Variants in PTPRN2 observed in about 807,000 individuals in gnomAD.
PTPRN2 encodes receptor-type tyrosine-protein phosphatase N2.
Under a neutral mutation model 118.8 loss-of-function variants are expected in PTPRN2, and 74 were observed. That is an observed-to-expected ratio of 0.62 (90% CI 0.52 to 0.76). PTPRN2 has a LOEUF of 0.76. Among genes scored for constraint, PTPRN2 ranks in the 30% least tolerant of loss-of-function variants. PTPRN2 has a pLI of 0.00. For synonymous variants in PTPRN2, 641 were observed against 608.0 expected (o/e 1.05, Z -0.80); for missense variants, 1,481 against 1,394.4 (o/e 1.06, Z -0.99).
intron 6 of PTPRN2, among the ~76,000 whole-genome samples, chr7:158,145,658 C>T (rs922261211): frequency 3.9e-5 from 6 of 152,236 alleles, no homozygotes; most frequent in Non-Finnish European, 7.3e-5. Context: ...CCAACAGGGG[C>T]TCCCCTGCCG....
intron 11 of PTPRN2, among the ~76,000 whole-genome samples, chr7:158,001,670 C>T (rs1436274653): frequency 1.3e-5 from 2 of 152,172 alleles, no homozygotes; most frequent in Non-Finnish European, 2.9e-5. Context: ...TCAGGACCGC[C>T]CTGTCATGAT....
chr7:157,834,659 G>A (rs1414361713), intron 12 of PTPRN2, among the ~76,000 whole-genome samples: 1 of 152,272 alleles, frequency 6.6e-6, no homozygotes, highest in African/African-American at 2.4e-5. Flanking sequence ...AAACGTGGGT[G>A]TGCTTGTGTG....
intron 3 of PTPRN2, among the ~76,000 whole-genome samples, chr7:158,292,920 T>C (rs568345665): frequency 3.0e-4 from 45 of 151,936 alleles, no homozygotes; most frequent in Non-Finnish European, 5.0e-4. Context: ...ATACAAAAAT[T>C]AGCCTGGCGA....
At chr7:158,205,145 G>C (rs756363028) in intron 4 of PTPRN2, 26 bp downstream of exon 4, 1 of 1,567,788 alleles carries the variant, frequency 6.4e-7, no homozygotes, top group Middle Eastern at 1.7e-4. Context: ...TGGGAGCAAG[G>C]AGCAACAAGC....
At chr7:158,168,053 C>T (rs1253549671) in intron 5 of PTPRN2, among the ~76,000 whole-genome samples, 1 of 152,210 alleles carries the variant, frequency 6.6e-6, no homozygotes, top group Non-Finnish European at 1.5e-5. Flanking sequence ...ATTTAACTGA[C>T]TGAGGAACTC....
intron 2 of PTPRN2, among the ~76,000 whole-genome samples, chr7:158,382,388 G>A (rs1358764398): frequency 6.6e-6 from 1 of 152,066 alleles, no homozygotes; most frequent in Non-Finnish European, 1.5e-5. Context: ...AATTTGCAAA[G>A]TATCCCATGA....
At chr7:157,863,814 A>G (rs928274153) in intron 12 of PTPRN2, 1 of 152,184 alleles carries the variant, frequency 6.6e-6, no homozygotes, top group African/African-American at 2.4e-5. Context: ...ACGTGTGGAG[A>G]CACCTGAAGA....
At chr7:157,695,691 G>C (rs1463875367) in intron 12 of PTPRN2, among the ~76,000 whole-genome samples, 1 of 152,346 alleles carries the variant, frequency 6.6e-6, no homozygotes, top group East Asian at 1.9e-4. Context: ...GAGTTGAAAT[G>C]TATTAACCAC....
At chr7:158,276,969 A>T (rs1799050327) in intron 3 of PTPRN2, among the ~76,000 whole-genome samples, 1 of 152,136 alleles carries the variant, frequency 6.6e-6, no homozygotes, top group Non-Finnish European at 1.5e-5. Flanking sequence ...CAGCGGGGTG[A>T]GGACCGGGCT....
intron 6 of PTPRN2, among the ~76,000 whole-genome samples, chr7:158,139,404 C>T (rs1414060425): frequency 2.6e-5 from 4 of 152,048 alleles, no homozygotes; most frequent in African/African-American, 4.8e-5. Flanking sequence ...ATCATAGAAG[C>T]GATCATCGTT....
At chr7:158,540,103 C>A (rs576517097) in intron 1 of PTPRN2, among the ~76,000 whole-genome samples, 1 of 152,304 alleles carries the variant, frequency 6.6e-6, no homozygotes, top group East Asian at 1.9e-4. Context: ...CACGTGGCTG[C>A]TGCAGCGGGT....
intron 2 of PTPRN2, 26 bp downstream of exon 2, chr7:158,489,709 C>G (rs764590398): frequency 1.9e-6 from 3 of 1,561,474 alleles, no homozygotes; most frequent in Non-Finnish European, 2.6e-6. Flanking sequence ...CAGACCAGGG[C>G]GCAGCAGCCA....
chr7:157,672,197 C>T (rs955824637), intron 13 of PTPRN2, among the ~76,000 whole-genome samples: 3 of 152,120 alleles, frequency 2.0e-5, no homozygotes, highest in South Asian at 2.1e-4. Flanking sequence ...CCACTGGGAA[C>T]GGGAAGGCCT....
chr7:158,225,912 G>C (rs1828733972), intron 3 of PTPRN2, among the ~76,000 whole-genome samples: 1 of 104,642 alleles, frequency 9.6e-6, no homozygotes, highest in Non-Finnish European at 1.8e-5. Context: ...TGCAGGAACA[G>C]AGGGAGGGGA....
At chr7:157,971,633 G>A (rs188799994) in intron 11 of PTPRN2, among the ~76,000 whole-genome samples, 174 of 151,908 alleles carry the variant, frequency 1.1e-3, no homozygotes, top group Non-Finnish European at 1.9e-3. Flanking sequence ...ACGATTAAGT[G>A]CATTTCTTGC....
chr7:158,070,981 C>CTGTGGTGGTGGAGGTGCT (rs1811359806), intron 11 of PTPRN2, among the ~76,000 whole-genome samples: 1 of 58,308 alleles, frequency 1.7e-5, no homozygotes, highest in Non-Finnish European at 3.2e-5. Context: ...GTGGAGGTGC[C>CTGTGGTGGTGGAGGTGCT]CGTGGTGGTG....
intron 2 of PTPRN2, among the ~76,000 whole-genome samples, chr7:158,488,554 G>T (rs1255141402): frequency 1.3e-5 from 2 of 152,164 alleles, no homozygotes; most frequent in African/African-American, 2.4e-5. Flanking sequence ...CCTCGGTTTC[G>T]CTTCTCAGAC....
intron 17 of PTPRN2, among the ~76,000 whole-genome samples, chr7:157,593,490 C>G (rs749904515): frequency 2.6e-5 from 4 of 152,232 alleles, no homozygotes; most frequent in Non-Finnish European, 5.9e-5. Flanking sequence ...CCATGCCACA[C>G]AAATAAGCAC....
chr7:157,824,967 G>A (rs1190082435), intron 12 of PTPRN2, among the ~76,000 whole-genome samples: 3 of 152,132 alleles, frequency 2.0e-5, no homozygotes, highest in Admixed American at 6.5e-5. Context: ...AAAACTGAGG[G>A]CCTGGGGAGT....
Sources: gnomAD v4.1 joint callset for allele counts (sites outside exome capture counted in the v4.1 genomes callset) on GRCh38, gnomAD v4.1.1 for gene constraint, MANE v1.5 for transcripts, NCBI Gene and HGNC (gene_info 2026-07-23, HGNC 2026-07-21) for gene names.